ATP13A4: variants seen among roughly 807,000 people sequenced by gnomAD.
The protein encoded by ATP13A4 is ATPase 13A4.
A neutral mutation model predicts 142.5 loss-of-function variants in ATP13A4; 114 were observed. That is an observed-to-expected ratio of 0.80 (90% CI 0.69 to 0.93). The LOEUF is 0.93. Ranked by LOEUF, ATP13A4 falls within the 40% of genes least tolerant of loss-of-function variation. The pLI is 0.00. For missense variants in ATP13A4, 1,392 were observed against 1,454.0 expected, an observed-to-expected ratio of 0.96 and a Z score of 0.69; for synonymous variants, 488 against 514.8, an observed-to-expected ratio of 0.95 and a Z score of 0.70.
At chr3:193,419,311 G>A (rs1422031402) in intron 25 of ATP13A4, among the ~76,000 whole-genome samples, 1 of 150,200 alleles carries the variant, frequency 6.7e-6, no homozygotes, top group Non-Finnish European at 1.5e-5. Context: ...CCTGCCCCTT[G>A]GAGCTTGAGA....
Position 193,402,245 on chromosome 3 carries a change from C to G in ATP13A4, c.*407G>C. 1 of 174,746 alleles carries G rather than the reference C, an allele frequency of 5.7e-6. No homozygotes were observed. The highest frequency in any genetic ancestry group is 1.2e-5 in the Non-Finnish European group (1 of 81,254). 10.8% of individuals were successfully genotyped at this position (174,746 alleles called of 1,614,324 possible). A position where few individuals can be genotyped will look rare whatever the true frequency, so the allele number is the denominator to read the frequency against. ...GTTTCCCACGCATTAGTTTTTCCAT[C>G]GATGAAGTAAAAATTCAAAAATTAC... On this transcript the variant is annotated 3_prime_UTR_variant, in exon 30 of 30. Transcript: ENST00000342695.
intron 13 of ATP13A4, among the ~76,000 whole-genome samples, 154 bp from the exon 14 acceptor site, chr3:193,459,385 T>C (rs1717822608): frequency 6.6e-6 from 1 of 152,228 alleles, no homozygotes; most frequent in South Asian, 2.1e-4. Context: ...TAGTGCTTCA[T>C]TCAGCCAAGT....
At chr3:193,577,827 A>C (rs1310089819) in intron 2 of ATP13A4, among the ~76,000 whole-genome samples, 3 of 152,238 alleles carry the variant, frequency 2.0e-5, no homozygotes, top group African/African-American at 4.8e-5. Context: ...ACTGTATCTC[A>C]TGATAACCTT....
chr3:193,548,349 G>T (rs1460719052), intron 1 of ATP13A4, among the ~76,000 whole-genome samples: 1 of 152,146 alleles, frequency 6.6e-6, no homozygotes, highest in African/African-American at 2.4e-5. Context: ...ATGGGAAGGG[G>T]AAGGGATAAG....
chr3:193,457,279 T>C (rs1717676698), intron 15 of ATP13A4, 100 bp downstream of exon 15: 1 of 1,571,272 alleles, frequency 6.4e-7, no homozygotes, highest in Admixed American at 1.7e-5. Context: ...TTTTCACACC[T>C]GAAATTCAAA....
chr3:193,440,376 C>A (rs746051139), intron 21 of ATP13A4, 182 bp downstream of exon 21: 11 of 1,171,698 alleles, frequency 9.4e-6, no homozygotes, highest in Non-Finnish European at 1.2e-5. Context: ...GAATCAGGAT[C>A]TCTGAATGGT....
intron 8 of ATP13A4, among the ~76,000 whole-genome samples, chr3:193,472,924 A>G (rs928239109): frequency 2.6e-4 from 39 of 152,388 alleles, no homozygotes; most frequent in African/African-American, 8.7e-4. Context: ...AATGAAAAAT[A>G]TCAATGTACT....
intron 25 of ATP13A4, among the ~76,000 whole-genome samples, chr3:193,421,263 T>C (rs1710395978): frequency 6.7e-6 from 1 of 149,638 alleles, no homozygotes; most frequent in Admixed American, 6.9e-5. Context: ...TGAGATGATA[T>C]ATTCAAGGTG....
intron 2 of ATP13A4, among the ~76,000 whole-genome samples, chr3:193,504,595 C>T (rs1720757972): frequency 6.6e-6 from 1 of 152,136 alleles, no homozygotes; most frequent in African/African-American, 2.4e-5. Flanking sequence ...CTCCCCACTC[C>T]TGCTTGCCTC....
At chr3:193,522,645 A>T (rs1721785729) in intron 1 of ATP13A4, among the ~76,000 whole-genome samples, 1 of 152,324 alleles carries the variant, frequency 6.6e-6, no homozygotes, top group African/African-American at 2.4e-5. Context: ...ACAGTGCATG[A>T]ACACTTGTTG....
chr3:193,523,201 A>G (rs1334997647), intron 1 of ATP13A4, among the ~76,000 whole-genome samples: 1 of 152,096 alleles, frequency 6.6e-6, no homozygotes, highest in Admixed American at 6.6e-5. Flanking sequence ...CTACTCAGGC[A>G]GCTGAGACAG....
intron 1 of ATP13A4, among the ~76,000 whole-genome samples, chr3:193,518,007 C>CTA (rs1431286682): frequency 2.0e-5 from 3 of 152,172 alleles, no homozygotes; most frequent in Non-Finnish European, 4.4e-5. Flanking sequence ...AAGGAATGAC[C>CTA]TACAGTCTCA....
At chr3:193,478,651 A>G (rs140181216) in intron 8 of ATP13A4, among the ~76,000 whole-genome samples, 1 of 151,124 alleles carries the variant, frequency 6.6e-6, no homozygotes, top group Non-Finnish European at 1.5e-5. Flanking sequence ...AAAAAAGTCC[A>G]GGACCAGATG....
chr3:193,444,449 G>A (rs538303811), intron 18 of ATP13A4, among the ~76,000 whole-genome samples: 2 of 152,130 alleles, frequency 1.3e-5, no homozygotes, highest in Non-Finnish European at 2.9e-5. Context: ...AAAGCTACAG[G>A]GTTCTTCAGG....
intron 13 of ATP13A4, among the ~76,000 whole-genome samples, chr3:193,460,377 G>T (rs1032049871): frequency 1.2e-4 from 18 of 152,172 alleles, no homozygotes; most frequent in African/African-American, 4.1e-4. Context: ...ACCTTAAGTT[G>T]CTGTAGCCCT....
rs560634388 is a variant in ATP13A4, at chr3:193,512,061, C to T, written c.234+2637G>A. On this transcript the variant is annotated intron_variant, in intron 2 of 29. Transcript: ENST00000342695. ...TCTGCCAGCACCTCAGAGAGCACGG[C>T]TCAGCTGAGCAGACCATCTGAGATC... Among the ~76,000 whole-genome samples the T allele has an allele frequency of 2.6e-5, 4 of 152,236 alleles. No individual in the cohort carries two copies. The South Asian group carries it at 8.3e-4, about 32-fold the overall frequency.
At chr3:193,455,266 G>A (rs1249572722) in intron 16 of ATP13A4, among the ~76,000 whole-genome samples, 7 of 150,912 alleles carry the variant, frequency 4.6e-5, no homozygotes, top group South Asian at 2.1e-4. Context: ...GCGTGAACCC[G>A]GGAGGCGGAG....
chr3:193,576,828 T>C (rs1724407503), intron 2 of ATP13A4, among the ~76,000 whole-genome samples: 1 of 152,142 alleles, frequency 6.6e-6, no homozygotes, highest in African/African-American at 2.4e-5. Context: ...GAATCGTCCA[T>C]GAAGATATCG....
chr3:193,510,368 A>G (rs1304606643), intron 2 of ATP13A4, among the ~76,000 whole-genome samples: 1 of 152,196 alleles, frequency 6.6e-6, no homozygotes, highest in Non-Finnish European at 1.5e-5. Context: ...ATTGCTAATC[A>G]TCACAAAGTT....
Sources: gnomAD v4.1 joint callset for allele counts (sites outside exome capture counted in the v4.1 genomes callset) on GRCh38, gnomAD v4.1.1 for gene constraint, MANE v1.5 for transcripts, NCBI Gene and HGNC (gene_info 2026-07-23, HGNC 2026-07-21) for gene names.